Variants in GRIK2 observed in about 807,000 individuals in gnomAD.
GRIK2 encodes glutamate receptor ionotropic, kainate 2.
Under a neutral mutation model 100.3 loss-of-function variants are expected in GRIK2, and 32 were observed. That is an observed-to-expected ratio of 0.32 (90% CI 0.24 to 0.43). The LOEUF (loss-of-function observed/expected upper bound fraction) is 0.43. GRIK2 is among the 20% of genes least tolerant of loss of function. The pLI is 1.00. For synonymous variants in GRIK2, 417 were observed against 389.4 expected, an observed-to-expected ratio of 1.07 and a Z score of -0.83; for missense variants, 843 against 1,114.9, an observed-to-expected ratio of 0.76 and a Z score of 3.47.
At chr6:101,604,074 A>G (rs1779341539) in intron 2 of GRIK2, among the ~76,000 whole-genome samples, 1 of 151,682 alleles carries the variant, frequency 6.6e-6, no homozygotes, top group Admixed American at 6.6e-5. Context: ...TTCTGAAAAT[A>G]TATATTAGCA....
chr6:101,568,577 T>C (rs2128298204), intron 2 of GRIK2, among the ~76,000 whole-genome samples: 1 of 152,124 alleles, frequency 6.6e-6, no homozygotes, highest in South Asian at 2.1e-4. Flanking sequence ...TTGCATCTGG[T>C]TATAAGAGGA....
At position 101,884,184 on chromosome 6, in the gene GRIK2, G is replaced by T. The variant is rs574649524; in HGVS notation, c.1525-5456G>T. ...ATTGTGGAGAGTTTAGGAATGCGTGGTATTACTTACATGTGACATTATATT... is the reference window on the plus strand; with the variant it reads ...ATTGTGGAGAGTTTAGGAATGCGTGTTATTACTTACATGTGACATTATATT... On this transcript the variant is annotated intron_variant, in intron 11 of 16. Transcript: ENST00000369134. 8.5e-4 allele frequency among the ~76,000 whole-genome samples: 130 copies of T among 152,192 alleles called. 1 individual carries two copies. The South Asian group carries it at 0.026, about 30-fold the overall frequency.
At chr6:101,586,958 C>T (rs975502100) in intron 2 of GRIK2, among the ~76,000 whole-genome samples, 1 of 149,986 alleles carries the variant, frequency 6.7e-6, no homozygotes, top group Non-Finnish European at 1.5e-5. Flanking sequence ...GTCTGAGAAC[C>T]TGAAATAATG....
intron 16 of GRIK2, among the ~76,000 whole-genome samples, 196 bp downstream of exon 16, chr6:102,055,776 G>T (rs1334334014): frequency 6.6e-6 from 1 of 151,898 alleles, no homozygotes; most frequent in Non-Finnish European, 1.5e-5. Context: ...TCACCTTTAT[G>T]ATTTTTTATT....
intron 7 of GRIK2, among the ~76,000 whole-genome samples, chr6:101,731,867 A>G (rs1445392998): frequency 2.0e-5 from 3 of 152,014 alleles, no homozygotes; most frequent in Non-Finnish European, 4.4e-5. Flanking sequence ...CCATAGAACC[A>G]TAATCTTGGC....
At chr6:101,417,434 C>A (rs1322333297) in intron 2 of GRIK2, among the ~76,000 whole-genome samples, 1 of 152,134 alleles carries the variant, frequency 6.6e-6, no homozygotes, top group Non-Finnish European at 1.5e-5. Flanking sequence ...TTTTCAGTCC[C>A]ATTTGAATAA....
intron 14 of GRIK2, among the ~76,000 whole-genome samples, chr6:102,000,234 T>A (rs1794863616): frequency 6.6e-6 from 1 of 151,542 alleles, no homozygotes; most frequent in Non-Finnish European, 1.5e-5. Flanking sequence ...TTTATTATGA[T>A]ACTGTGATAT....
chr6:101,923,401 T>C (rs956694430), intron 12 of GRIK2, among the ~76,000 whole-genome samples: 1 of 152,208 alleles, frequency 6.6e-6, no homozygotes, highest in Non-Finnish European at 1.5e-5. Context: ...ATTCCATTAA[T>C]TGATAAATAT....
At chr6:101,888,453 T>C (rs1786811884) in intron 11 of GRIK2, among the ~76,000 whole-genome samples, 1 of 152,184 alleles carries the variant, frequency 6.6e-6, no homozygotes, top group Non-Finnish European at 1.5e-5. Flanking sequence ...TTTAAATTGA[T>C]ATTTTATTTG....
intron 2 of GRIK2, among the ~76,000 whole-genome samples, chr6:101,584,446 TAAA>T (rs1778255024): frequency 6.6e-6 from 1 of 151,990 alleles, no homozygotes; most frequent in Non-Finnish European, 1.5e-5. Flanking sequence ...ATAATAAGAC[TAAA>T]AAAGTCTGCT....
chr6:101,409,438 A>G (rs915476586), intron 2 of GRIK2, among the ~76,000 whole-genome samples: 2 of 152,120 alleles, frequency 1.3e-5, no homozygotes, highest in African/African-American at 4.8e-5. Flanking sequence ...GCACTCATGA[A>G]TGTATATACA....
chr6:101,644,162 C>G (rs552903935), intron 4 of GRIK2, among the ~76,000 whole-genome samples: 9 of 151,770 alleles, frequency 5.9e-5, no homozygotes, highest in African/African-American at 1.9e-4. Flanking sequence ...ACTAGTGTTA[C>G]AAATAAATTA....
intron 2 of GRIK2, among the ~76,000 whole-genome samples, chr6:101,575,223 AAGAT>A (rs1387506872): frequency 1.3e-5 from 2 of 151,908 alleles, no homozygotes; most frequent in Non-Finnish European, 2.9e-5. Context: ...ACATTGTACT[AAGAT>A]AGTAGTAAGT....
chr6:101,612,092 C>T (rs1779703413), intron 2 of GRIK2, among the ~76,000 whole-genome samples: 1 of 151,850 alleles, frequency 6.6e-6, no homozygotes, highest in Non-Finnish European at 1.5e-5. Flanking sequence ...GGGGCCTGGA[C>T]TGAGGTCCCT....
chr6:101,805,702 A>C (rs1398872491), intron 9 of GRIK2, among the ~76,000 whole-genome samples: 1 of 152,082 alleles, frequency 6.6e-6, no homozygotes, highest in Non-Finnish European at 1.5e-5. Context: ...TTAGACTTAT[A>C]AAATTATAAG....
At chr6:101,530,075 C>T (rs903715946) in intron 2 of GRIK2, among the ~76,000 whole-genome samples, 1 of 151,936 alleles carries the variant, frequency 6.6e-6, no homozygotes, top group Non-Finnish European at 1.5e-5. Context: ...TCTTCTGGTA[C>T]ATGCTGACTA....
chr6:101,901,518 AAAT>A (rs1330542128), intron 12 of GRIK2, among the ~76,000 whole-genome samples: 8 of 151,836 alleles, frequency 5.3e-5, no homozygotes, highest in African/African-American at 1.4e-4. Context: ...CAATCTCATA[AAAT>A]AATAATCTCA....
At chr6:101,580,092 A>T (rs542013420) in intron 2 of GRIK2, among the ~76,000 whole-genome samples, 121 of 152,218 alleles carry the variant, frequency 7.9e-4, no homozygotes, top group African/African-American at 2.7e-3. Flanking sequence ...ATTGTATCTA[A>T]TTCTCGTAAC....
rs1485879472 is a variant in GRIK2 at position 101,490,118 on chromosome 6, CTT to C, written c.115+90728_115+90729del. Among the ~76,000 whole-genome samples, 6 of 145,822 alleles carry C rather than the reference CTT, an allele frequency of 4.1e-5. 2 individuals are homozygous for C. The highest frequency in any genetic ancestry group is 1.1e-4 in the African/African-American group (4 of 38,058). On this transcript the variant is annotated intron_variant, in intron 2 of 16. Coordinates refer to ENST00000369134, the MANE Select transcript of GRIK2 (RefSeq NM_021956.5). ...TCTTTATTTACAACAATTTTTTACT[CTT>C]TACAGAAGAATGAAACATAGACATA...
Sources: gnomAD v4.1 joint callset for allele counts (sites outside exome capture counted in the v4.1 genomes callset) on GRCh38, gnomAD v4.1.1 for gene constraint, MANE v1.5 for transcripts, NCBI Gene and HGNC (gene_info 2026-07-23, HGNC 2026-07-21) for gene names.